The following MYO1D variants were observed in gnomAD, a reference collection of about 807,000 sequenced individuals.
MYO1D encodes unconventional myosin-Id.
Under a neutral mutation model 122.0 loss-of-function variants are expected in MYO1D, and 83 were observed. The observed-to-expected ratio is 0.68, with a 90% confidence interval of 0.57 to 0.82. MYO1D has a LOEUF of 0.82. MYO1D is among the 40% of genes least tolerant of loss of function. The pLI is 0.00. For synonymous variants in MYO1D, 464 were observed against 446.9 expected, an observed-to-expected ratio of 1.04 and a Z score of -0.48; for missense variants, 1,157 against 1,269.5, an observed-to-expected ratio of 0.91 and a Z score of 1.35.
At chr17:32,515,658 G>A (rs1396782205) in intron 21 of MYO1D, among the ~76,000 whole-genome samples, 1 of 152,142 alleles carries the variant, frequency 6.6e-6, no homozygotes, top group Non-Finnish European at 1.5e-5. Context: ...AGTTCTTTTT[G>A]GATATTTTCC....
intron 20 of MYO1D, among the ~76,000 whole-genome samples, chr17:32,606,465 T>C (rs111273769): frequency 1.3e-5 from 2 of 152,164 alleles, no homozygotes; most frequent in African/African-American, 4.8e-5. Context: ...ATTAGCAAAT[T>C]AAATCCAACA....
intron 16 of MYO1D, among the ~76,000 whole-genome samples, chr17:32,700,114 A>T (rs1377461169): frequency 2.6e-5 from 4 of 152,186 alleles, no homozygotes; most frequent in African/African-American, 9.6e-5. Flanking sequence ...AAATAATTAA[A>T]TAATAATATA....
At chr17:32,820,438 C>A (rs2090650774) in intron 1 of MYO1D, among the ~76,000 whole-genome samples, 1 of 152,094 alleles carries the variant, frequency 6.6e-6, no homozygotes, top group Non-Finnish European at 1.5e-5. Context: ...GAATACTATT[C>A]AGTTTTAAAA....
chr17:32,638,365 T>G (rs567642394), intron 20 of MYO1D, among the ~76,000 whole-genome samples: 252 of 152,240 alleles, frequency 1.7e-3, no homozygotes, highest in African/African-American at 5.9e-3. Context: ...GAAAAAGTAA[T>G]ATTTTAAGTA....
intron 16 of MYO1D, among the ~76,000 whole-genome samples, chr17:32,695,556 T>C (rs1218796854): frequency 1.3e-5 from 2 of 152,182 alleles, no homozygotes; most frequent in African/African-American, 4.8e-5. Flanking sequence ...AAACTTCCAG[T>C]AGGACTTCCA....
chr17:32,682,122 T>C (rs1196976154), intron 16 of MYO1D, among the ~76,000 whole-genome samples: 4 of 122,090 alleles, frequency 3.3e-5, no homozygotes, highest in African/African-American at 9.7e-5. Context: ...TCCTCCATCC[T>C]TTTATTTTGA....
intron 1 of MYO1D, among the ~76,000 whole-genome samples, chr17:32,848,293 AC>A (rs2090955762): frequency 6.6e-6 from 1 of 152,128 alleles, no homozygotes; most frequent in South Asian, 2.1e-4. Flanking sequence ...TATGTAGGAG[AC>A]CCTCCTTGTT....
At chr17:32,647,525 C>G (rs558886442) in intron 19 of MYO1D, among the ~76,000 whole-genome samples, 1 of 152,080 alleles carries the variant, frequency 6.6e-6, no homozygotes, top group African/African-American at 2.4e-5. Context: ...TAGTAAATGA[C>G]CTAATTCTTA....
chr17:32,683,810 G>T (rs929845739), intron 16 of MYO1D, among the ~76,000 whole-genome samples: 16 of 152,300 alleles, frequency 1.1e-4, no homozygotes, highest in Non-Finnish European at 1.8e-4. Context: ...GTTTACCTAA[G>T]CAAGCCTGGG....
chr17:32,544,631 C>T (rs1213192390), intron 21 of MYO1D, among the ~76,000 whole-genome samples: 1 of 152,190 alleles, frequency 6.6e-6, no homozygotes, highest in African/African-American at 2.4e-5. Context: ...AGAACAACAC[C>T]TCTCAGGGAT....
intron 20 of MYO1D, among the ~76,000 whole-genome samples, chr17:32,622,371 A>G (rs2087864382): frequency 6.6e-6 from 1 of 152,046 alleles, no homozygotes; most frequent in African/African-American, 2.4e-5. Flanking sequence ...CACCTACTGT[A>G]TGGCAGGCAG....
chr17:32,578,751 CTTG>C (rs1334527522), intron 21 of MYO1D, among the ~76,000 whole-genome samples: 8 of 152,190 alleles, frequency 5.3e-5, no homozygotes, highest in Admixed American at 5.2e-4. Context: ...GGCATTTGAC[CTTG>C]TTGTCTTCTT....
intron 14 of MYO1D, among the ~76,000 whole-genome samples, chr17:32,730,575 G>GA (rs1336705400): frequency 1.3e-5 from 2 of 151,994 alleles, no homozygotes; most frequent in Admixed American, 1.3e-4. Flanking sequence ...CTTTGTTCTG[G>GA]AAAAAATGTA....
At chr17:32,861,660 C>G (rs989498883) in intron 1 of MYO1D, among the ~76,000 whole-genome samples, 3 of 152,056 alleles carry the variant, frequency 2.0e-5, no homozygotes, top group African/African-American at 7.2e-5. Context: ...TTTGCCTGCC[C>G]CACTCTGCCC....
intron 16 of MYO1D, among the ~76,000 whole-genome samples, chr17:32,691,791 T>A (rs1462310604): frequency 6.6e-6 from 1 of 152,210 alleles, no homozygotes; most frequent in African/African-American, 2.4e-5. Flanking sequence ...ATTGCTGGAT[T>A]AGAGGCAAAT....
intron 16 of MYO1D, among the ~76,000 whole-genome samples, chr17:32,705,322 C>T (rs1293981328): frequency 6.6e-6 from 1 of 152,070 alleles, no homozygotes; most frequent in Non-Finnish European, 1.5e-5. Flanking sequence ...TGCAGTGGCA[C>T]GATCTCAGCT....
At chr17:32,496,566 G>A (rs182811750) in intron 21 of MYO1D, among the ~76,000 whole-genome samples, 11 of 152,278 alleles carry the variant, frequency 7.2e-5, no homozygotes, top group African/African-American at 1.4e-4. Flanking sequence ...CCTTGGCGGC[G>A]GGGTCCAGGT....
chr17:32,852,182 C>A (rs2090995014), intron 1 of MYO1D, among the ~76,000 whole-genome samples: 1 of 152,158 alleles, frequency 6.6e-6, no homozygotes, highest in African/African-American at 2.4e-5. Context: ...GTCACCCAGG[C>A]TGGTATGATC....
intron 13 of MYO1D, among the ~76,000 whole-genome samples, chr17:32,743,413 G>T (rs1389811231): frequency 6.6e-6 from 1 of 152,034 alleles, no homozygotes; most frequent in Non-Finnish European, 1.5e-5. Context: ...TAATTTCCCT[G>T]AACCAATTAG....
Sources: gnomAD v4.1 joint callset for allele counts (sites outside exome capture counted in the v4.1 genomes callset) on GRCh38, gnomAD v4.1.1 for gene constraint, MANE v1.5 for transcripts, NCBI Gene and HGNC (gene_info 2026-07-23, HGNC 2026-07-21) for gene names.